Variants in GCNT2 observed in about 807,000 individuals in gnomAD.
The protein encoded by GCNT2 is N-acetyllactosaminide beta-1,6-N-acetylglucosaminyl-transferase.
Under a neutral mutation model 34.2 loss-of-function variants are expected in GCNT2, and 34 were observed. That is an observed-to-expected ratio of 1.00 (90% CI 0.76 to 1.32). The LOEUF is 1.32. GCNT2 is among the 40% of genes most tolerant of loss of function. The probability of loss-of-function intolerance (pLI) is 0.00; values close to 1 mark genes in which losing one functional copy is unlikely to be tolerated. For missense variants in GCNT2, 584 were observed against 489.4 expected (o/e 1.19, Z -1.82); for synonymous variants, 212 against 188.0 (o/e 1.13, Z -1.04).
intron 3 of GCNT2, among the ~76,000 whole-genome samples, chr6:10,579,010 A>G (rs990171762): frequency 6.6e-6 from 1 of 152,200 alleles, no homozygotes; most frequent in African/African-American, 2.4e-5. Context: ...GCAACATCAA[A>G]CTATAGGAAT....
intron 3 of GCNT2, among the ~76,000 whole-genome samples, chr6:10,543,677 T>C (rs1762137423): frequency 2.0e-5 from 3 of 152,178 alleles, no homozygotes; most frequent in Admixed American, 6.5e-5. Context: ...TAGTTCTGAT[T>C]AGCATGTCCC....
intron 3 of GCNT2, among the ~76,000 whole-genome samples, chr6:10,551,867 C>T (rs1406161358): frequency 6.6e-6 from 1 of 152,040 alleles, no homozygotes; most frequent in Non-Finnish European, 1.5e-5. Flanking sequence ...AAGCGATTCT[C>T]CTGCCTCAGC....
chr6:10,619,569 G>C (rs1268332292), intron 3 of GCNT2: 2 of 152,182 alleles, frequency 1.3e-5, no homozygotes. Context: ...GCCCAGGCTG[G>C]TCTCGGACTC....
intron 3 of GCNT2, among the ~76,000 whole-genome samples, chr6:10,552,383 C>A (rs1447451657): frequency 6.6e-6 from 1 of 151,996 alleles, no homozygotes; most frequent in Non-Finnish European, 1.5e-5. Context: ...GGTCCTGAAT[C>A]CTTGGATTCA....
chr6:10,611,417 G>T lies in GCNT2; in HGVS notation c.926-9934G>T, dbSNP rs532999250. Reference sequence around the variant, plus strand: ...GCGATCTCAGCTCACTGAAACCTCCGCCTCCCGGATTCAAGCAATTCTCCT... The same window carrying T: ...GCGATCTCAGCTCACTGAAACCTCCTCCTCCCGGATTCAAGCAATTCTCCT... On this transcript the variant is annotated intron_variant, in intron 3 of 4. Transcript: ENST00000495262. 2.0e-5 allele frequency among the ~76,000 whole-genome samples: 3 copies of T among 149,634 alleles called. No individual in the cohort carries two copies. The South Asian group carries it at 6.3e-4, about 31-fold the overall frequency.
rs1239555194 is a variant in GCNT2, at chr6:10,594,219, T to TG, written c.926-27127dup. Among the ~76,000 whole-genome samples, 3 of 152,322 alleles carry TG rather than the reference T, an allele frequency of 2.0e-5. No individual in the cohort carries two copies. In the East Asian group the frequency reaches 5.8e-4, roughly 29 times the overall value. On this transcript the variant is annotated intron_variant, in intron 3 of 4. Coordinates refer to ENST00000495262, the MANE Select transcript of GCNT2 (RefSeq NM_145649.5). ...CTGGGTTATCCTGCAGCTTCTCATC[T>TG]GGGGGCCACACTTTGAGAACTGCTG...
chr6:10,552,388 G>A (rs1033761416), intron 3 of GCNT2, among the ~76,000 whole-genome samples: 1 of 151,822 alleles, frequency 6.6e-6, no homozygotes, highest in Non-Finnish European at 1.5e-5. Context: ...TGAATCCTTG[G>A]ATTCAACCAA....
Position 10,628,283 on chromosome 6 carries a change from C to T in GCNT2, c.*1676C>T, listed in dbSNP as rs1015443831. The T allele has an allele frequency of 2.0e-5, 3 of 152,494 alleles. No homozygotes were observed. The highest frequency in any genetic ancestry group is 7.2e-5 in the African/African-American group (3 of 41,412). 9.4% of individuals were successfully genotyped at this position (152,494 alleles called of 1,614,324 possible). On this transcript the variant is annotated 3_prime_UTR_variant, in exon 5 of 5. Transcript: ENST00000495262. ...TTGAGTTTCTAAATATTTATTTATT[C>T]TAACAAAAAGCAATTACTACAAATG...
intron 3 of GCNT2, among the ~76,000 whole-genome samples, chr6:10,546,466 G>A (rs1762273845): frequency 6.6e-6 from 1 of 152,116 alleles, no homozygotes; most frequent in Non-Finnish European, 1.5e-5. Flanking sequence ...AGACCAGCCT[G>A]GCCAATATGG....
intron 3 of GCNT2, among the ~76,000 whole-genome samples, chr6:10,530,619 C>T (rs1278767918): frequency 6.6e-6 from 1 of 151,928 alleles, no homozygotes; most frequent in East Asian, 1.9e-4. Flanking sequence ...GCCTGTAATC[C>T]CAGCGCTTTG....
chr6:10,557,322 T>G (rs200670019), intron 3 of GCNT2: 2 of 1,613,098 alleles, frequency 1.2e-6, no homozygotes, highest in Non-Finnish European at 1.7e-6. Context: ...CATTTCTGGG[T>G]GACACTCAAT....
chr6:10,542,078 G>T (rs945192365), intron 3 of GCNT2, among the ~76,000 whole-genome samples: 3 of 152,096 alleles, frequency 2.0e-5, no homozygotes, highest in Non-Finnish European at 2.9e-5. Flanking sequence ...TTGTGTTGTT[G>T]CTTTCATACA....
chr6:10,560,124 T>G (rs2113679027), intron 3 of GCNT2, among the ~76,000 whole-genome samples: 1 of 152,378 alleles, frequency 6.6e-6, no homozygotes, highest in African/African-American at 2.4e-5. Flanking sequence ...AGTCTCACTC[T>G]GTAGCCCAGG....
chr6:10,527,129 A>C (rs558105371), intron 1 of GCNT2, among the ~76,000 whole-genome samples: 1 of 152,224 alleles, frequency 6.6e-6, no homozygotes, highest in Non-Finnish European at 1.5e-5. Context: ...TTGAGCATTC[A>C]ATCAATAAAT....
At chr6:10,524,233 C>T (rs1157679998) in intron 1 of GCNT2, among the ~76,000 whole-genome samples, 1 of 151,200 alleles carries the variant, frequency 6.6e-6, no homozygotes, top group Non-Finnish European at 1.5e-5. Flanking sequence ...CGGAAACTTT[C>T]TGACACATAA....
chr6:10,586,296 A>T, intron 3 of GCNT2: 1 of 1,614,202 alleles, frequency 6.2e-7, no homozygotes. Flanking sequence ...TGTCATGGTC[A>T]TCCATAAGGA....
chr6:10,555,875 G>T (rs886060901), intron 3 of GCNT2: 4 of 993,082 alleles, frequency 4.0e-6, no homozygotes, highest in Non-Finnish European at 1.2e-6. Context: ...CGTGGGTTGC[G>T]CTGGAAGAGC....
chr6:10,614,482 G>A (rs1243161274), intron 3 of GCNT2, among the ~76,000 whole-genome samples: 2 of 152,006 alleles, frequency 1.3e-5, no homozygotes, highest in Non-Finnish European at 2.9e-5. Context: ...AAAATTAGCT[G>A]GACGTTAGTG....
intron 3 of GCNT2, among the ~76,000 whole-genome samples, chr6:10,542,075 G>A (rs917867516): frequency 6.6e-6 from 1 of 152,100 alleles, no homozygotes; most frequent in Non-Finnish European, 1.5e-5. Context: ...CAATTGTGTT[G>A]TTGCTTTCAT....
Sources: gnomAD v4.1 joint callset for allele counts (sites outside exome capture counted in the v4.1 genomes callset) on GRCh38, gnomAD v4.1.1 for gene constraint, MANE v1.5 for transcripts, NCBI Gene and HGNC (gene_info 2026-07-23, HGNC 2026-07-21) for gene names.